The following ZMYND8 variants were observed in gnomAD, a reference collection of about 807,000 sequenced individuals.
The protein encoded by ZMYND8 is zinc finger MYND-type containing 8, also known as MYND-type zinc finger-containing chromatin reader ZMYND8.
Under a neutral mutation model 140.8 loss-of-function variants are expected in ZMYND8, and 37 were observed. That is an observed-to-expected ratio of 0.26 (90% CI 0.20 to 0.35). The LOEUF (loss-of-function observed/expected upper bound fraction) is 0.35, where lower values mean the gene tolerates loss of function less well. ZMYND8 is among the 10% of genes least tolerant of loss of function. ZMYND8 has a pLI of 1.00. For synonymous variants in ZMYND8, 592 were observed against 597.1 expected (o/e 0.99, Z 0.12); for missense variants, 1,068 against 1,570.0 (o/e 0.68, Z 5.40).
At chr20:47,322,219 G>A (rs982604795) in intron 2 of ZMYND8, among the ~76,000 whole-genome samples, 20 of 152,012 alleles carry the variant, frequency 1.3e-4, no homozygotes, top group African/African-American at 4.1e-4. Context: ...ATGGTAAAGC[G>A]GCTATTAAGT....
intron 2 of ZMYND8, among the ~76,000 whole-genome samples, chr20:47,344,435 C>T (rs900111276): frequency 6.6e-6 from 1 of 152,190 alleles, no homozygotes; most frequent in Non-Finnish European, 1.5e-5. Context: ...ATTGACAGGA[C>T]AATCTACAAA....
At chr20:47,293,656 A>G (rs1394510704) in intron 5 of ZMYND8, among the ~76,000 whole-genome samples, 3 of 152,222 alleles carry the variant, frequency 2.0e-5, no homozygotes, top group Non-Finnish European at 4.4e-5. Context: ...CCTAACTCCC[A>G]TGGGAAGGAG....
chr20:47,352,438 A>G, intron 1 of ZMYND8: 1 of 984,418 alleles, frequency 1.0e-6, no homozygotes, highest in Non-Finnish European at 1.2e-6. Flanking sequence ...GCAGAGGAGA[A>G]ACACAAGGAA....
chr20:47,256,256 G>A (rs2074706778), intron 12 of ZMYND8, among the ~76,000 whole-genome samples: 2 of 150,106 alleles, frequency 1.3e-5, no homozygotes, highest in Non-Finnish European at 3.0e-5. Flanking sequence ...GAGGCAGGAG[G>A]ACTGCTTGAG....
chr20:47,290,565 G>C (rs1214107481), intron 6 of ZMYND8, among the ~76,000 whole-genome samples: 1 of 150,536 alleles, frequency 6.6e-6, no homozygotes, highest in African/African-American at 2.4e-5. Flanking sequence ...CCAATAAACA[G>C]GATAGTTTAT....
chr20:47,232,897 G>GTTT lies in ZMYND8; in HGVS notation c.2857-3094_2857-3092dup, dbSNP rs144707608. Among the ~76,000 whole-genome samples, 36 of 70,184 alleles carry GTTT rather than the reference G, an allele frequency of 5.1e-4. 1 individual carries two copies. The highest frequency in any genetic ancestry group is 1.5e-3 in the African/African-American group (36 of 23,464). The allele number at this position is 70,184 out of a possible 152,430, so 46.0% of individuals were successfully genotyped here. On this transcript the variant is annotated intron_variant, in intron 16 of 22. Transcript: ENST00000471951. ...GACAACCTCCCCCATGTTTTTTTTTGTTTTTTTTGTTTTTTTTTTTTTTTG... is the reference window on the plus strand; with the variant it reads ...GACAACCTCCCCCATGTTTTTTTTTGTTTTTTTTTTTGTTTTTTTTTTTTTTTG...
chr20:47,310,532 T>C (rs941165469), intron 2 of ZMYND8, among the ~76,000 whole-genome samples: 3 of 152,076 alleles, frequency 2.0e-5, no homozygotes, highest in African/African-American at 7.2e-5. Context: ...GCACGGTGGC[T>C]CATGCCTGTA....
At chr20:47,262,623 G>A (rs2075239402) in intron 11 of ZMYND8, among the ~76,000 whole-genome samples, 195 bp from the exon 12 acceptor site, 1 of 152,170 alleles carries the variant, frequency 6.6e-6, no homozygotes, top group African/African-American at 2.4e-5. Flanking sequence ...TTAACCGGAT[G>A]TGAAACCGTT....
intron 2 of ZMYND8, among the ~76,000 whole-genome samples, chr20:47,347,539 T>C (rs1374637380): frequency 6.6e-6 from 1 of 152,194 alleles, no homozygotes; most frequent in Non-Finnish European, 1.5e-5. Flanking sequence ...GAGGCTCTGG[T>C]GGCTTCCAGA....
intron 2 of ZMYND8, among the ~76,000 whole-genome samples, chr20:47,314,174 AT>A (rs556716444): frequency 2.8e-4 from 43 of 152,016 alleles, no homozygotes; most frequent in Admixed American, 5.9e-4. Flanking sequence ...TTGTGTACTT[AT>A]TTATCATGTG....
intron 12 of ZMYND8, among the ~76,000 whole-genome samples, chr20:47,257,353 CACAT>C (rs2074815430): frequency 6.6e-6 from 1 of 151,982 alleles, no homozygotes. Flanking sequence ...ACCATATACA[CACAT>C]ACATACACAC....
At chr20:47,282,240 C>T (rs920738196) in intron 9 of ZMYND8, 23 bp from the exon 10 acceptor site, 3 of 1,603,718 alleles carry the variant, frequency 1.9e-6, no homozygotes, top group African/African-American at 2.7e-5. Context: ...AAACAAGATC[C>T]AGAGTTTGTA....
intron 12 of ZMYND8, among the ~76,000 whole-genome samples, chr20:47,254,620 G>A (rs1392999549): frequency 6.6e-6 from 1 of 152,124 alleles, no homozygotes; most frequent in Non-Finnish European, 1.5e-5. Flanking sequence ...CTGCTGTAGG[G>A]GAGCCAAGAA....
intron 12 of ZMYND8, among the ~76,000 whole-genome samples, chr20:47,250,198 G>C (rs2074058490): frequency 6.6e-6 from 1 of 152,116 alleles, no homozygotes; most frequent in African/African-American, 2.4e-5. Flanking sequence ...CTTCTTCGAG[G>C]GCTCTTTGTA....
intron 11 of ZMYND8, among the ~76,000 whole-genome samples, chr20:47,275,955 T>A (rs1204453042): frequency 6.6e-6 from 1 of 152,222 alleles, no homozygotes; most frequent in Non-Finnish European, 1.5e-5. Flanking sequence ...TTGCACTGTT[T>A]AATATGAATG....
chr20:47,264,981 G>A (rs1569035620), intron 11 of ZMYND8, among the ~76,000 whole-genome samples: 1 of 151,256 alleles, frequency 6.6e-6, no homozygotes, highest in Non-Finnish European at 1.5e-5. Context: ...AGACTGCAGT[G>A]AACCGTGATC....
intron 12 of ZMYND8, among the ~76,000 whole-genome samples, chr20:47,251,067 C>G (rs2074131095): frequency 6.6e-6 from 1 of 151,798 alleles, no homozygotes; most frequent in South Asian, 2.1e-4. Context: ...GGGTCTTTTC[C>G]TAAATCACAC....
At chr20:47,306,308 T>C (rs1038023463) in intron 3 of ZMYND8, among the ~76,000 whole-genome samples, 2 of 151,980 alleles carry the variant, frequency 1.3e-5, no homozygotes, top group African/African-American at 4.8e-5. Flanking sequence ...GGGAAGAGAA[T>C]TGCTTGAGCC....
At chr20:47,290,945 C>A (rs1040796498) in intron 6 of ZMYND8, among the ~76,000 whole-genome samples, 1 of 152,150 alleles carries the variant, frequency 6.6e-6, no homozygotes, top group African/African-American at 2.4e-5. Context: ...TATGGTCTCA[C>A]ACAAACCTCA....
Sources: gnomAD v4.1 joint callset for allele counts (sites outside exome capture counted in the v4.1 genomes callset) on GRCh38, gnomAD v4.1.1 for gene constraint, MANE v1.5 for transcripts, NCBI Gene and HGNC (gene_info 2026-07-23, HGNC 2026-07-21) for gene names.